The following CIB1 variants were observed in gnomAD, a reference collection of about 807,000 sequenced individuals.
The protein encoded by CIB1 is calcium and integrin binding 1.
CIB1 carries 19 observed loss-of-function variants against 25.0 expected under a neutral mutation model. That is an observed-to-expected ratio of 0.76 (90% CI 0.53 to 1.12). The LOEUF (loss-of-function observed/expected upper bound fraction) is 1.12. Among genes scored for constraint, CIB1 ranks in the 50% most tolerant of loss-of-function variants. CIB1 has a pLI of 0.00. For missense variants in CIB1, 236 were observed against 242.6 expected (o/e 0.97, Z 0.18); for synonymous variants, 104 against 98.5 (o/e 1.06, Z -0.33).
the CIB1 span, chr15:90,243,640 G>GTTTTTTTTTT: frequency 1.0e-5 from 1 of 99,408 alleles, no homozygotes; most frequent in African/African-American, 3.8e-5. Flanking sequence ...CTTGGTGCAG[G>GTTTTTTTTTT]TTTTTTTTTT....
chr15:90,261,514 C>T, the CIB1 span, among the ~76,000 whole-genome samples: 5,419 of 151,944 alleles, frequency 0.036, 282 homozygotes, highest in African/African-American at 0.12. Flanking sequence ...AAAATCAGGC[C>T]GAGTACGGTG....
chr15:90,265,703 T>G, the CIB1 span: 1 of 1,613,204 alleles, frequency 6.2e-7, no homozygotes, highest in South Asian at 1.1e-5. Flanking sequence ...GAAGGCTGGT[T>G]TGCGTCGACA....
the CIB1 span, chr15:90,241,935 A>T: frequency 1.2e-6 from 2 of 1,614,046 alleles, no homozygotes; most frequent in Non-Finnish European, 8.5e-7. Context: ...CCCTGTCAAA[A>T]CATCCCAGGA....
intron 2 of CIB1, among the ~76,000 whole-genome samples, chr15:90,232,923 C>CT (rs1275748539): frequency 1.4e-5 from 2 of 141,972 alleles, no homozygotes; most frequent in African/African-American, 5.3e-5. Context: ...GAGCGAGACG[C>CT]TGTCTCAAAA....
At chr15:90,237,461 T>G (rs1414384598), upstream of CIB1, among the ~76,000 whole-genome samples, 3 of 151,734 alleles carry the variant, frequency 2.0e-5, no homozygotes, top group Non-Finnish European at 2.9e-5. Context: ...AATTTTTGTA[T>G]TTTTAGTAGA....
At chr15:90,257,619 G>A in the CIB1 span, 20 of 1,612,534 alleles carry the variant, frequency 1.2e-5, no homozygotes, top group Admixed American at 1.3e-4. Context: ...TGAGACCACA[G>A]GGCCACTCTT....
chr15:90,241,552 A>G, the CIB1 span: 3 of 1,613,246 alleles, frequency 1.9e-6, no homozygotes, highest in Non-Finnish European at 2.5e-6. Context: ...GCCTCGGTGA[A>G]CCACCTCCAC....
the CIB1 span, chr15:90,264,149 C>T: frequency 2.7e-6 from 2 of 749,038 alleles, no homozygotes; most frequent in South Asian, 1.8e-5. Context: ...TATAATATGG[C>T]ACTTCCACCA....
chr15:90,263,521 T>C, the CIB1 span: 16 of 536,228 alleles, frequency 3.0e-5, no homozygotes, highest in Middle Eastern at 4.9e-4. Context: ...TAATGGGAGA[T>C]AAGTAAACAG....
Position 90,230,508 on chromosome 15 carries a change from G to A in CIB1, c.555-3C>T. Reference sequence around the variant, plus strand: ...GTCACAGGACAATCTTAAAGGAGCTGAACAAGAGAAAAGCGGTGGGTTTTC... The same window carrying A: ...GTCACAGGACAATCTTAAAGGAGCTAAACAAGAGAAAAGCGGTGGGTTTTC... On this transcript the variant is annotated splice_polypyrimidine_tract_variant and splice_region_variant and intron_variant, in intron 6 of 6. Coordinates refer to ENST00000328649, the MANE Select transcript of CIB1 (RefSeq NM_006384.4). 1 of 1,551,694 alleles carries A rather than the reference G, an allele frequency of 6.4e-7. No homozygotes were observed. Among genetic ancestry groups the A allele is most frequent in the Non-Finnish European group, 8.7e-7 (1 of 1,146,974 alleles).
At chr15:90,242,202 C>A in the CIB1 span, 1 of 667,412 alleles carries the variant, frequency 1.5e-6, no homozygotes, top group Non-Finnish European at 2.5e-6. Flanking sequence ...ATCCTCCCAC[C>A]TCAGCCTCTT....
At chr15:90,255,846 A>C in the CIB1 span, 2 of 1,614,162 alleles carry the variant, frequency 1.2e-6, no homozygotes, top group Non-Finnish European at 8.5e-7. Context: ...TATCCCTCTG[A>C]GTACAACATC....
the CIB1 span, among the ~76,000 whole-genome samples, chr15:90,251,131 T>TTTTTTTTTTAG: frequency 6.9e-6 from 1 of 145,476 alleles, no homozygotes; most frequent in African/African-American, 2.6e-5. Context: ...TTTTTTTTTT[T>TTTTTTTTTTAG]GAGACAGAGT....
At chr15:90,263,234 T>C in the CIB1 span, 216 of 1,213,162 alleles carry the variant, frequency 1.8e-4, 1 homozygote, top group African/African-American at 3.1e-3. Context: ...AGGAGGCTTG[T>C]GTGATGGTAT....
intron 2 of CIB1, 99 bp downstream of exon 2, chr15:90,233,570 A>C: frequency 7.0e-7 from 1 of 1,433,218 alleles, no homozygotes; most frequent in Non-Finnish European, 9.6e-7. Flanking sequence ...GCTCCTCTGC[A>C]GACCTCAGGC....
chr15:90,241,922 C>A, the CIB1 span: 2 of 1,614,142 alleles, frequency 1.2e-6, no homozygotes, highest in Non-Finnish European at 8.5e-7. Flanking sequence ...TGGCTGGGCA[C>A]CTCCCTGTCA....
At chr15:90,250,118 C>A in the CIB1 span, among the ~76,000 whole-genome samples, 11 of 151,830 alleles carry the variant, frequency 7.2e-5, no homozygotes, top group Admixed American at 1.3e-4. Flanking sequence ...ACCAGCACAC[C>A]CAGCTAATTT....
the CIB1 span, chr15:90,256,002 T>G: frequency 1.3e-6 from 2 of 1,569,010 alleles, no homozygotes; most frequent in East Asian, 4.5e-5. Context: ...ATGAGAAAGT[T>G]TCAGCTGGTC....
At chr15:90,257,608 C>G in the CIB1 span, 8 of 1,608,294 alleles carry the variant, frequency 5.0e-6, no homozygotes, top group Non-Finnish European at 6.8e-6. Flanking sequence ...TGCAGACAGT[C>G]TGAGACCACA....
Sources: gnomAD v4.1 joint callset for allele counts (sites outside exome capture counted in the v4.1 genomes callset) on GRCh38, gnomAD v4.1.1 for gene constraint, MANE v1.5 for transcripts, NCBI Gene and HGNC (gene_info 2026-07-23, HGNC 2026-07-21) for gene names.